Variants in DENND1A observed in about 807,000 individuals in gnomAD.
The protein encoded by DENND1A is DENN domain-containing protein 1A.
DENND1A carries 51 observed loss-of-function variants against 113.7 expected under a neutral mutation model. That is an observed-to-expected ratio of 0.45 (90% CI 0.36 to 0.57). The LOEUF (loss-of-function observed/expected upper bound fraction) is 0.57. Ranked by LOEUF, DENND1A falls within the 20% of genes least tolerant of loss-of-function variation. DENND1A has a pLI of 0.00. For missense variants in DENND1A, 1,258 were observed against 1,395.9 expected, an observed-to-expected ratio of 0.90 and a Z score of 1.57; for synonymous variants, 565 against 570.8, an observed-to-expected ratio of 0.99 and a Z score of 0.14.
chr9:123,856,003 C>T (rs1465724055), intron 2 of DENND1A, among the ~76,000 whole-genome samples: 2 of 152,112 alleles, frequency 1.3e-5, no homozygotes, highest in African/African-American at 4.8e-5. Context: ...CGCCATTGCA[C>T]TCCAGCCTGG....
At chr9:123,680,782 C>T (rs1345212220) in intron 5 of DENND1A, among the ~76,000 whole-genome samples, 2 of 152,228 alleles carry the variant, frequency 1.3e-5, no homozygotes, top group Non-Finnish European at 2.9e-5. Flanking sequence ...ATTTTAAGAG[C>T]TCTCCGACAC....
Position 123,495,141 on chromosome 9 carries a change from T to TCTCTCTCTCTCTCTCTCTCTCTCTC in DENND1A, c.994-37245_994-37244insGAGAGAGAGAGAGAGAGAGAGAGAG, listed in dbSNP as rs2051763656. Reference sequence around the variant, plus strand: ...TCTATTATGACCCATCATTGTCTCTTTCTCTCTCTCTCTCTCTCTCTCTCT... The same window carrying TCTCTCTCTCTCTCTCTCTCTCTCTC: ...TCTATTATGACCCATCATTGTCTCTTCTCTCTCTCTCTCTCTCTCTCTCTCTCTCTCTCTCTCTCTCTCTCTCTCT... On this transcript the variant is annotated intron_variant, in intron 13 of 23. Transcript: ENST00000394215. Among the ~76,000 whole-genome samples the TCTCTCTCTCTCTCTCTCTCTCTCTC allele has an allele frequency of 4.8e-4, 67 of 140,640 alleles. 1 individual carries two copies. Among genetic ancestry groups the TCTCTCTCTCTCTCTCTCTCTCTCTC allele is most frequent in the African/African-American group, 1.7e-3 (62 of 35,494 alleles). The allele number at this position is 140,640 out of a possible 152,430, so 92.3% of individuals were successfully genotyped here. A position where few individuals can be genotyped will look rare whatever the true frequency, so the allele number is the denominator to read the frequency against.
intron 1 of DENND1A, chr9:123,928,661 A>C: frequency 1.0e-6 from 1 of 985,384 alleles, no homozygotes; most frequent in South Asian, 4.7e-5. Context: ...TCTCATACAT[A>C]TTTTGTAAAT....
chr9:123,729,177 A>T (rs1315652566), intron 5 of DENND1A, among the ~76,000 whole-genome samples: 1 of 152,190 alleles, frequency 6.6e-6, no homozygotes, highest in Non-Finnish European at 1.5e-5. Context: ...CAAAAACTGG[A>T]AGCATTCCCT....
At chr9:123,571,519 G>C (rs191560830) in intron 12 of DENND1A, among the ~76,000 whole-genome samples, 180 of 152,308 alleles carry the variant, frequency 1.2e-3, no homozygotes, top group Non-Finnish European at 2.0e-3. Context: ...CTATAGACTA[G>C]CTTTCTCTCT....
At position 123,671,288 on chromosome 9, in the gene DENND1A, T is replaced by C. The variant is rs1317129404; in HGVS notation, c.453+3A>G. The C allele has an allele frequency of 6.2e-7, 1 of 1,613,882 alleles. No homozygotes were observed. Among genetic ancestry groups the C allele is most frequent in the African/African-American group, 1.3e-5 (1 of 74,916 alleles). ...GTGATGGCTAATACTCCGCCCCACT[T>C]ACCACGCTGAGATGGACAGACACTC... On this transcript the variant is annotated splice_donor_region_variant and intron_variant, in intron 7 of 23. Transcript: ENST00000394215.
At chr9:123,808,936 G>A (rs1162314976) in intron 2 of DENND1A, among the ~76,000 whole-genome samples, 1 of 152,082 alleles carries the variant, frequency 6.6e-6, no homozygotes, top group Non-Finnish European at 1.5e-5. Context: ...AACATTCTGT[G>A]GGCCCTCCAG....
At chr9:123,638,761 T>G (rs1429664026) in intron 9 of DENND1A, among the ~76,000 whole-genome samples, 3 of 151,978 alleles carry the variant, frequency 2.0e-5, no homozygotes, top group Non-Finnish European at 4.4e-5. Flanking sequence ...ATGCCCAGCC[T>G]CACATGCACC....
intron 10 of DENND1A, among the ~76,000 whole-genome samples, chr9:123,613,071 G>C (rs1394989802): frequency 6.7e-6 from 1 of 148,648 alleles, no homozygotes. Context: ...AATGGGAGGT[G>C]CTTGACAGGC....
chr9:123,703,199 G>A lies in DENND1A; in HGVS notation c.303-26410C>T, dbSNP rs528476779. On this transcript the variant is annotated intron_variant, in intron 5 of 23. Transcript: ENST00000394215. ...AGATGGGGTTTCACTATGTTACCCA[G>A]GTTGGTCTCGAACTCCTGGACTCAA... Among the ~76,000 whole-genome samples, 3 of 152,278 alleles carry A rather than the reference G, an allele frequency of 2.0e-5. No homozygotes were observed. The South Asian group carries it at 6.2e-4, about 32-fold the overall frequency.
At chr9:123,413,108 C>T (rs372242150) in intron 19 of DENND1A, among the ~76,000 whole-genome samples, 10 of 152,206 alleles carry the variant, frequency 6.6e-5, no homozygotes, top group African/African-American at 1.7e-4. Flanking sequence ...TGCTTGAACC[C>T]GGAAGGCGGA....
intron 1 of DENND1A, among the ~76,000 whole-genome samples, chr9:123,920,873 G>A (rs1856117391): frequency 6.6e-6 from 1 of 151,946 alleles, no homozygotes. Flanking sequence ...GGGCCTGGCT[G>A]GGGACATAAG....
chr9:123,831,462 GA>G (rs1236027954), intron 2 of DENND1A, among the ~76,000 whole-genome samples: 1 of 152,080 alleles, frequency 6.6e-6, no homozygotes, highest in African/African-American at 2.4e-5. Context: ...AAAATTATAT[GA>G]AACTACAAAG....
intron 10 of DENND1A, among the ~76,000 whole-genome samples, chr9:123,612,198 A>T (rs1270072235): frequency 1.3e-5 from 2 of 152,354 alleles, no homozygotes; most frequent in East Asian, 3.9e-4. Context: ...CTGCAAATAT[A>T]TAATTACGAA....
At chr9:123,833,545 A>G (rs944128766) in intron 2 of DENND1A, among the ~76,000 whole-genome samples, 3 of 152,118 alleles carry the variant, frequency 2.0e-5, no homozygotes, top group African/African-American at 4.8e-5. Context: ...GGCATAATAC[A>G]TGAATTTCAG....
chr9:123,617,854 TG>T (rs1436281603), intron 10 of DENND1A, among the ~76,000 whole-genome samples: 1 of 151,450 alleles, frequency 6.6e-6, no homozygotes, highest in African/African-American at 2.4e-5. Flanking sequence ...AACACATGAA[TG>T]AATGAGCCAC....
intron 13 of DENND1A, among the ~76,000 whole-genome samples, chr9:123,520,017 G>A (rs2054256410): frequency 6.6e-6 from 1 of 151,818 alleles, no homozygotes; most frequent in Admixed American, 6.6e-5. Context: ...AAAATTAGCT[G>A]GGTGTGATGG....
At chr9:123,392,687 T>TG (rs778772272) in intron 21 of DENND1A, among the ~76,000 whole-genome samples, 6 of 152,242 alleles carry the variant, frequency 3.9e-5, no homozygotes, top group Non-Finnish European at 7.3e-5. Context: ...CATAGGTTTT[T>TG]GGGGAACAGG....
At chr9:123,561,143 C>A (rs551268704) in intron 12 of DENND1A, among the ~76,000 whole-genome samples, 1 of 152,320 alleles carries the variant, frequency 6.6e-6, no homozygotes, top group African/African-American at 2.4e-5. Flanking sequence ...GGCCTTGGGC[C>A]ACCTGTGCCG....
Sources: gnomAD v4.1 joint callset for allele counts (sites outside exome capture counted in the v4.1 genomes callset) on GRCh38, gnomAD v4.1.1 for gene constraint, MANE v1.5 for transcripts, NCBI Gene and HGNC (gene_info 2026-07-23, HGNC 2026-07-21) for gene names.